Variants in CNTNAP2 observed in about 807,000 individuals in gnomAD.
The protein encoded by CNTNAP2 is contactin-associated protein-like 2.
Under a neutral mutation model 155.2 loss-of-function variants are expected in CNTNAP2, and 98 were observed. The observed-to-expected ratio is 0.63, with a 90% CI of 0.54 to 0.75. CNTNAP2 has a LOEUF of 0.75. CNTNAP2 is among the 30% of genes least tolerant of loss of function. CNTNAP2 has a pLI of 0.00. For synonymous variants in CNTNAP2, 651 were observed against 631.2 expected (o/e 1.03, Z -0.47); for missense variants, 1,727 against 1,688.1 (o/e 1.02, Z -0.40).
intron 15 of CNTNAP2, among the ~76,000 whole-genome samples, chr7:148,001,270 G>T (rs1801891688): frequency 6.6e-6 from 1 of 152,144 alleles, no homozygotes. Flanking sequence ...TCAGCTCTTG[G>T]AGCCCCACAA....
chr7:148,283,608 T>C (rs1436953338), intron 21 of CNTNAP2, among the ~76,000 whole-genome samples: 2 of 152,190 alleles, frequency 1.3e-5, no homozygotes, highest in Admixed American at 6.5e-5. Context: ...TCAGCTCTTA[T>C]ACCATAAACA....
At chr7:147,617,934 G>A (rs1801323359) in intron 12 of CNTNAP2, among the ~76,000 whole-genome samples, 1 of 151,856 alleles carries the variant, frequency 6.6e-6, no homozygotes, top group South Asian at 2.1e-4. Flanking sequence ...TTTGAGTTTT[G>A]AAAAAACAGT....
chr7:146,721,740 CTATA>C (rs1193435746), intron 1 of CNTNAP2, among the ~76,000 whole-genome samples: 6 of 123,034 alleles, frequency 4.9e-5, no homozygotes, highest in Non-Finnish European at 9.5e-5. Flanking sequence ...ATTATATATT[CTATA>C]TATATATTCT....
At chr7:148,326,525 C>T (rs1797890209) in intron 21 of CNTNAP2, among the ~76,000 whole-genome samples, 1 of 152,124 alleles carries the variant, frequency 6.6e-6, no homozygotes. Context: ...CTAGTCTCTT[C>T]TTGAAAGGAT....
At chr7:147,543,896 A>G (rs1056694545) in intron 11 of CNTNAP2, among the ~76,000 whole-genome samples, 64 of 152,302 alleles carry the variant, frequency 4.2e-4, no homozygotes, top group African/African-American at 1.5e-3. Context: ...TTCCCATTCT[A>G]TGTTCAATTC....
chr7:146,379,351 A>G (rs1243880346), intron 1 of CNTNAP2, among the ~76,000 whole-genome samples: 1 of 152,188 alleles, frequency 6.6e-6, no homozygotes, highest in South Asian at 2.1e-4. Flanking sequence ...TGGGGTACAG[A>G]CTTTGGACAT....
chr7:146,159,151 G>A (rs979032130), intron 1 of CNTNAP2, among the ~76,000 whole-genome samples: 1 of 152,164 alleles, frequency 6.6e-6, no homozygotes, highest in Non-Finnish European at 1.5e-5. Context: ...AGCTTCATAA[G>A]TGAAGGAGAA....
At chr7:147,786,266 T>C (rs549369093) in intron 13 of CNTNAP2, among the ~76,000 whole-genome samples, 2 of 152,002 alleles carry the variant, frequency 1.3e-5, no homozygotes, top group African/African-American at 4.8e-5. Context: ...AGTGAGAAAA[T>C]GCAATGAGAT....
intron 4 of CNTNAP2, among the ~76,000 whole-genome samples, chr7:147,091,328 T>C (rs1178368149): frequency 1.3e-5 from 2 of 152,082 alleles, no homozygotes; most frequent in Admixed American, 1.3e-4. Flanking sequence ...ATGAGAAAGC[T>C]GGCATCACTT....
At position 148,030,231 on chromosome 7, in the gene CNTNAP2, A is replaced by G. The variant is rs531875276; in HGVS notation, c.2383+52242A>G. On this transcript the variant is annotated intron_variant, in intron 15 of 23. Coordinates refer to ENST00000361727, the MANE Select transcript of CNTNAP2 (RefSeq NM_014141.6). ...ATTTGAATTATTCTGTGTCATCAACAAAGATGTAACAGTTAGGTCTCTGTG... is the reference window on the plus strand; with the variant it reads ...ATTTGAATTATTCTGTGTCATCAACGAAGATGTAACAGTTAGGTCTCTGTG... Among the ~76,000 whole-genome samples, 9 of 152,340 alleles carry G rather than the reference A, an allele frequency of 5.9e-5. No homozygotes were observed. In the South Asian group the frequency reaches 1.9e-3, roughly 32 times the overall value.
intron 1 of CNTNAP2, among the ~76,000 whole-genome samples, chr7:146,613,150 G>C (rs1799166686): frequency 6.6e-6 from 1 of 151,964 alleles, no homozygotes; most frequent in Non-Finnish European, 1.5e-5. Context: ...AAATTGTCTT[G>C]GTTGCATCCA....
chr7:147,495,768 A>G lies in CNTNAP2; in HGVS notation c.1777+9727A>G, dbSNP rs111343015. ...AGTCATTTTTTTAAATCGTGAAACAACTTATATCCATTAGAACAGGAGTCC... is the reference window on the plus strand; with the variant it reads ...AGTCATTTTTTTAAATCGTGAAACAGCTTATATCCATTAGAACAGGAGTCC... On this transcript the variant is annotated intron_variant, in intron 11 of 23. Transcript: ENST00000361727. Among the ~76,000 whole-genome samples, 1,290 of 152,286 alleles carry G rather than the reference A, an allele frequency of 8.5e-3. 22 individuals carry two copies. The highest frequency in any genetic ancestry group is 0.03 in the African/African-American group (1,232 of 41,556).
chr7:146,921,805 G>A (rs538117976), intron 3 of CNTNAP2, among the ~76,000 whole-genome samples: 2 of 152,212 alleles, frequency 1.3e-5, no homozygotes, highest in South Asian at 2.1e-4. Flanking sequence ...GGGAAATAAT[G>A]AGATCAGGTA....
chr7:148,311,403 A>G (rs1797592952), intron 21 of CNTNAP2, among the ~76,000 whole-genome samples: 1 of 145,222 alleles, frequency 6.9e-6, no homozygotes, highest in Admixed American at 6.6e-5. Context: ...TAAGGTTGAT[A>G]GCGTGGTGGA....
At chr7:146,474,370 C>T (rs1027879367) in intron 1 of CNTNAP2, among the ~76,000 whole-genome samples, 3 of 149,836 alleles carry the variant, frequency 2.0e-5, no homozygotes, top group Non-Finnish European at 4.4e-5. Flanking sequence ...GAACATTTGC[C>T]AGAATTTTCC....
intron 3 of CNTNAP2, among the ~76,000 whole-genome samples, chr7:147,018,057 A>G (rs1257644896): frequency 5.3e-5 from 8 of 152,112 alleles, no homozygotes; most frequent in Non-Finnish European, 1.5e-5. Context: ...CAATGATAAA[A>G]GAAAAATATG....
At chr7:146,119,345 C>G (rs954616586) in intron 1 of CNTNAP2, among the ~76,000 whole-genome samples, 1 of 152,042 alleles carries the variant, frequency 6.6e-6, no homozygotes, top group South Asian at 2.1e-4. Context: ...TATGTATTTG[C>G]TTATGACTTA....
At chr7:146,262,622 G>T (rs1799936988) in intron 1 of CNTNAP2, among the ~76,000 whole-genome samples, 1 of 152,034 alleles carries the variant, frequency 6.6e-6, no homozygotes. Context: ...GATAAATTTT[G>T]CCAAATAACA....
intron 15 of CNTNAP2, among the ~76,000 whole-genome samples, chr7:148,028,336 T>C (rs925762230): frequency 1.3e-5 from 2 of 152,162 alleles, no homozygotes; most frequent in African/African-American, 4.8e-5. Context: ...TAATCAAGGT[T>C]GCCACCTGGT....
Sources: allele counts gnomAD v4.1 joint callset (sites outside exome capture counted in the v4.1 genomes callset), GRCh38; gene constraint gnomAD v4.1.1; transcripts MANE v1.5; gene names NCBI Gene and HGNC (gene_info 2026-07-23, HGNC 2026-07-21).